The following TOX3 variants were observed in gnomAD, a reference collection of about 807,000 sequenced individuals.
The protein encoded by TOX3 is CAG trinucleotide repeat-containing gene F9 protein.
Under a neutral mutation model 64.3 loss-of-function variants are expected in TOX3, and 22 were observed. The ratio of observed to expected loss-of-function variants is 0.34; its 90% CI spans 0.24 to 0.49. The LOEUF is 0.49. TOX3 is among the 20% of genes least tolerant of loss of function. The pLI is 0.99. For synonymous variants in TOX3, 291 were observed against 273.6 expected (o/e 1.06, Z -0.63); for missense variants, 661 against 714.4 (o/e 0.93, Z 0.85).
At chr16:52,459,394 T>TA (rs1411022705) in intron 3 of TOX3, among the ~76,000 whole-genome samples, 2 of 152,198 alleles carry the variant, frequency 1.3e-5, no homozygotes, top group Non-Finnish European at 2.9e-5. Context: ...TGAAGGTTAA[T>TA]ATATGGCTTC....
intron 4 of TOX3, among the ~76,000 whole-genome samples, chr16:52,449,775 T>C (rs1960278121): frequency 6.6e-6 from 1 of 152,286 alleles, no homozygotes; most frequent in African/African-American, 2.4e-5. Flanking sequence ...CTTTGTATCA[T>C]TTCAAATTAT....
At chr16:52,544,364 A>C (rs1259061992) in intron 1 of TOX3, among the ~76,000 whole-genome samples, 1 of 152,228 alleles carries the variant, frequency 6.6e-6, no homozygotes, top group Non-Finnish European at 1.5e-5. Flanking sequence ...ATGGGAAATA[A>C]AATTGTGTTT....
rs1056283451 is a variant in TOX3 at position 52,501,531 on chromosome 16, A to G, written c.88-32957T>C. Among the ~76,000 whole-genome samples, 25 of 151,968 alleles carry G rather than the reference A, an allele frequency of 1.6e-4. 1 individual carries two copies. The highest frequency in any genetic ancestry group is 6.6e-5 in the Admixed American group (1 of 15,264). On this transcript the variant is annotated intron_variant, in intron 1 of 6. Coordinates refer to ENST00000219746, the MANE Select transcript of TOX3 (RefSeq NM_001080430.4). Reference sequence around the variant, plus strand: ...CTAAAAATACAAAAATTAGCCGGGCATGGTGGTGATCCCAGCTACTAGGGA... The same window carrying G: ...CTAAAAATACAAAAATTAGCCGGGCGTGGTGGTGATCCCAGCTACTAGGGA...
chr16:52,464,647 C>G (rs538653399), intron 2 of TOX3, among the ~76,000 whole-genome samples: 1 of 152,240 alleles, frequency 6.6e-6, no homozygotes, highest in East Asian at 1.9e-4. Flanking sequence ...ACATATAAAA[C>G]AAGTAATATT....
At chr16:52,533,702 G>A (rs1176154771) in intron 1 of TOX3, among the ~76,000 whole-genome samples, 2 of 152,192 alleles carry the variant, frequency 1.3e-5, no homozygotes, top group Non-Finnish European at 2.9e-5. Context: ...ATAAAAATAT[G>A]TAGCATATAA....
At position 52,468,562 on chromosome 16, in the gene TOX3, T is replaced by C. The variant is rs771251976; in HGVS notation, c.100A>G (p.Asn34Asp). Residue 34 changes from asparagine to aspartate, a missense_variant, in exon 2 of 7, where the codon AAT becomes GAT. By Grantham distance (23) the Asn-to-Asp change is conservative (BLOSUM62 1). Transcript: ENST00000219746. Reference protein sequence around the residue: ...YYGYSKFGNNNNYMNMAEANN... With the variant: ...YYGYSKFGNNDNYMNMAEANN... Reference sequence around the variant, plus strand: ...GCCTCAGCCATATTCATATAGTTATTATTATTTCCAAACTGAAAGAAAACA... The same window carrying C: ...GCCTCAGCCATATTCATATAGTTATCATTATTTCCAAACTGAAAGAAAACA... 6.8e-6 allele frequency: 11 copies of C among 1,611,798 alleles called. No homozygotes were observed. Among genetic ancestry groups the C allele is most frequent in the Non-Finnish European group, 8.5e-7 (1 of 1,178,690 alleles).
intron 1 of TOX3, among the ~76,000 whole-genome samples, chr16:52,479,545 C>T (rs964619545): frequency 6.6e-6 from 1 of 152,210 alleles, no homozygotes; most frequent in African/African-American, 2.4e-5. Context: ...ATTTGGCAAA[C>T]TACTGGGCAT....
At chr16:52,442,084 A>C (rs1960009342) in intron 6 of TOX3, among the ~76,000 whole-genome samples, 1 of 152,250 alleles carries the variant, frequency 6.6e-6, no homozygotes, top group South Asian at 2.1e-4. Flanking sequence ...GCTCAGTTGC[A>C]CTATTGTGCC....
intron 1 of TOX3, among the ~76,000 whole-genome samples, chr16:52,473,402 T>C (rs529935224): frequency 1.6e-4 from 25 of 152,320 alleles, no homozygotes; most frequent in African/African-American, 5.8e-4. Flanking sequence ...TCTTTTCTTT[T>C]TCCCCCATTA....
intron 1 of TOX3, among the ~76,000 whole-genome samples, chr16:52,510,269 A>G (rs1962268569): frequency 6.6e-6 from 1 of 152,224 alleles, no homozygotes. Context: ...AGTGATTAAA[A>G]TAAAGTGATA....
chr16:52,533,234 G>T (rs1008468852), intron 1 of TOX3, among the ~76,000 whole-genome samples: 1 of 152,168 alleles, frequency 6.6e-6, no homozygotes, highest in Non-Finnish European at 1.5e-5. Flanking sequence ...ATCCATGCCA[G>T]CATCACTTGG....
At chr16:52,467,886 C>T (rs1191853576) in intron 2 of TOX3, among the ~76,000 whole-genome samples, 1 of 152,166 alleles carries the variant, frequency 6.6e-6, no homozygotes, top group Non-Finnish European at 1.5e-5. Context: ...TTGATTCCAT[C>T]ACCCAGTTTC....
intron 1 of TOX3, among the ~76,000 whole-genome samples, chr16:52,541,750 T>G (rs570228029): frequency 4.6e-5 from 7 of 152,362 alleles, no homozygotes; most frequent in Non-Finnish European, 7.3e-5. Context: ...TTTGGCTAAC[T>G]ATATGCTAGT....
chr16:52,468,459 ATC>A, intron 2 of TOX3, 48 bp downstream of exon 2: 1 of 1,522,946 alleles, frequency 6.6e-7, no homozygotes, highest in South Asian at 1.2e-5. Flanking sequence ...CTATTAAATT[ATC>A]TCAATAACAC....
intron 1 of TOX3, among the ~76,000 whole-genome samples, chr16:52,518,419 G>A (rs1596852155): frequency 6.6e-6 from 1 of 152,160 alleles, no homozygotes; most frequent in African/African-American, 2.4e-5. Flanking sequence ...ATTTTGCATA[G>A]TTATTGAATG....
At chr16:52,509,863 T>C (rs1050087861) in intron 1 of TOX3, among the ~76,000 whole-genome samples, 4 of 152,220 alleles carry the variant, frequency 2.6e-5, no homozygotes, top group African/African-American at 9.6e-5. Flanking sequence ...AACCTTTAGA[T>C]TTGAATTATC....
intron 1 of TOX3, among the ~76,000 whole-genome samples, chr16:52,509,968 G>T (rs560362319): frequency 6.6e-6 from 1 of 152,206 alleles, no homozygotes; most frequent in African/African-American, 2.4e-5. Flanking sequence ...AGGCCCCTCA[G>T]TCCTGCCCCT....
At chr16:52,440,231 C>G (rs141490274) in intron 6 of TOX3, among the ~76,000 whole-genome samples, 2 of 152,182 alleles carry the variant, frequency 1.3e-5, no homozygotes, top group African/African-American at 2.4e-5. Flanking sequence ...AGTTCCAAGA[C>G]GAGGCTTCAA....
intron 1 of TOX3, among the ~76,000 whole-genome samples, chr16:52,517,819 G>A (rs897924987): frequency 3.3e-5 from 5 of 152,104 alleles, no homozygotes; most frequent in East Asian, 3.9e-4. Flanking sequence ...TATCAAAAAC[G>A]TTTCTATTTA....
Sources: gnomAD v4.1 joint callset for allele counts (sites outside exome capture counted in the v4.1 genomes callset) on GRCh38, gnomAD v4.1.1 for gene constraint, MANE v1.5 for transcripts, NCBI Gene and HGNC (gene_info 2026-07-23, HGNC 2026-07-21) for gene names.